The following MTUS2 variants were observed in gnomAD, a reference collection of about 807,000 sequenced individuals.
The protein encoded by MTUS2 is microtubule-associated tumor suppressor candidate 2.
A neutral mutation model predicts 114.1 loss-of-function variants in MTUS2; 40 were observed. That is an observed-to-expected ratio of 0.35 (90% CI 0.27 to 0.46). MTUS2 has a LOEUF of 0.46. Among genes scored for constraint, MTUS2 ranks in the 20% least tolerant of loss-of-function variants. The probability of loss-of-function intolerance (pLI) is 1.00; values close to 1 mark genes in which losing one functional copy is unlikely to be tolerated. For synonymous variants in MTUS2, 688 were observed against 672.0 expected, an observed-to-expected ratio of 1.02 and a Z score of -0.37; for missense variants, 1,679 against 1,705.4, an observed-to-expected ratio of 0.98 and a Z score of 0.27.
intron 8 of MTUS2, among the ~76,000 whole-genome samples, chr13:29,434,134 A>T (rs1462250905): frequency 2.0e-5 from 3 of 152,182 alleles, no homozygotes; most frequent in Non-Finnish European, 4.4e-5. Flanking sequence ...TTTTTTAAAA[A>T]AAATCAGGTG....
At chr13:29,108,686 A>G (rs1292236868) in intron 5 of MTUS2, among the ~76,000 whole-genome samples, 2 of 152,164 alleles carry the variant, frequency 1.3e-5, no homozygotes, top group East Asian at 3.9e-4. Flanking sequence ...CATGGCTATG[A>G]TTGAAGACCA....
intron 8 of MTUS2, among the ~76,000 whole-genome samples, chr13:29,397,473 G>A (rs1873994848): frequency 6.6e-6 from 1 of 152,146 alleles, no homozygotes; most frequent in African/African-American, 2.4e-5. Context: ...CTCCAGACCA[G>A]CAGCATTGGC....
rs1418974462 is a variant in MTUS2 at position 29,299,580 on chromosome 13, A to G, written c.2806+17715A>G. Among the ~76,000 whole-genome samples, 6 of 152,292 alleles carry G rather than the reference A, an allele frequency of 3.9e-5. 1 individual carries two copies. The highest frequency in any genetic ancestry group is 3.9e-4 in the East Asian group (2 of 5,192). The stretch of plus-strand genomic sequence containing the variant: ...GGAAATGAGTGTCCCAGAAGGCCAT[A>G]TGGTGCAGAGACATAACATAGTGCA... On this transcript the variant is annotated intron_variant, in intron 6 of 15. Coordinates refer to ENST00000612955, the MANE Select transcript of MTUS2 (RefSeq NM_001033602.4).
At chr13:29,285,859 A>G (rs943572824) in intron 6 of MTUS2, among the ~76,000 whole-genome samples, 2 of 152,234 alleles carry the variant, frequency 1.3e-5, no homozygotes, top group Admixed American at 6.5e-5. Flanking sequence ...ATTCAAACAA[A>G]AATTCAAAAA....
chr13:28,974,367 A>T (rs1998361), intron 2 of MTUS2, among the ~76,000 whole-genome samples: 27,181 of 152,188 alleles, frequency 0.18, 2,892 homozygotes, highest in East Asian at 0.47. Context: ...GTTTGGGCCA[A>T]ACAAACTGTA....
intron 5 of MTUS2, among the ~76,000 whole-genome samples, chr13:29,171,761 A>G (rs1893571552): frequency 6.6e-6 from 1 of 152,186 alleles, no homozygotes; most frequent in South Asian, 2.1e-4. Context: ...ATATTTCTCT[A>G]CCAACTGTAG....
At chr13:29,313,601 G>A (rs1454264894) in intron 6 of MTUS2, among the ~76,000 whole-genome samples, 1 of 152,042 alleles carries the variant, frequency 6.6e-6, no homozygotes, top group Admixed American at 6.6e-5. Flanking sequence ...CAAATATTAG[G>A]AGTTCCATAA....
chr13:29,278,507 G>C (rs1344797303), intron 5 of MTUS2, among the ~76,000 whole-genome samples: 1 of 152,162 alleles, frequency 6.6e-6, no homozygotes, highest in African/African-American at 2.4e-5. Flanking sequence ...AACTTGAGTA[G>C]CCAATAACTA....
At chr13:29,037,309 T>C (rs9783544) in intron 4 of MTUS2, among the ~76,000 whole-genome samples, 58,748 of 152,064 alleles carry the variant, frequency 0.39, 12,525 homozygotes, top group South Asian at 0.65. Context: ...GGTTGAAAAT[T>C]CTTTTCTTTA....
chr13:29,081,151 G>T (rs533272484), intron 4 of MTUS2, among the ~76,000 whole-genome samples: 1 of 152,256 alleles, frequency 6.6e-6, no homozygotes, highest in South Asian at 2.1e-4. Flanking sequence ...TTTTATTGAG[G>T]TTAGGGTATA....
rs141681481 is a variant in MTUS2, at chr13:29,266,705, G to T, written c.2645-14999G>T. ...ATTCCCAGGAGCAGTTGCAAAAAGT[G>T]TGAAGCTTTTAGAGAGTCTGGGGTT... On this transcript the variant is annotated intron_variant, in intron 5 of 15. Coordinates refer to ENST00000612955, the MANE Select transcript of MTUS2 (RefSeq NM_001033602.4). 1.6e-3 allele frequency among the ~76,000 whole-genome samples: 239 copies of T among 152,308 alleles called. 1 individual carries two copies. The highest frequency in any genetic ancestry group is 5.6e-3 in the African/African-American group (233 of 41,566).
intron 5 of MTUS2, among the ~76,000 whole-genome samples, chr13:29,196,911 G>A (rs958453365): frequency 3.3e-5 from 5 of 152,176 alleles, no homozygotes; most frequent in African/African-American, 1.2e-4. Flanking sequence ...CTATTAACAT[G>A]AGTCTACAAA....
At chr13:29,140,022 G>T (rs1007729150) in intron 5 of MTUS2, among the ~76,000 whole-genome samples, 2 of 152,186 alleles carry the variant, frequency 1.3e-5, no homozygotes, top group Non-Finnish European at 2.9e-5. Context: ...GGTTGTCAGC[G>T]TTGAGAATTT....
chr13:29,080,450 C>CTCACACTG (rs1889390564), intron 4 of MTUS2, among the ~76,000 whole-genome samples: 1 of 152,134 alleles, frequency 6.6e-6, no homozygotes, highest in Non-Finnish European at 1.5e-5. Flanking sequence ...GGAGTATTGA[C>CTCACACTG]TCACACTGTC....
At chr13:28,912,850 G>A (rs1390694548) in intron 2 of MTUS2, among the ~76,000 whole-genome samples, 6 of 151,994 alleles carry the variant, frequency 3.9e-5, no homozygotes, top group East Asian at 1.9e-4. Context: ...GAATGCTAGC[G>A]ATTTTTGCAC....
At chr13:29,337,353 C>G (rs112430899) in intron 7 of MTUS2, among the ~76,000 whole-genome samples, 9,811 of 152,170 alleles carry the variant, frequency 0.064, 1,018 homozygotes, top group African/African-American at 0.22. Context: ...CCAAATGCAC[C>G]ATTCCTCATG....
chr13:28,941,125 T>C (rs1275425893), intron 2 of MTUS2, among the ~76,000 whole-genome samples: 1 of 151,836 alleles, frequency 6.6e-6, no homozygotes, highest in African/African-American at 2.4e-5. Context: ...CTTCAGTCAT[T>C]GTTAGAACAA....
At chr13:29,488,129 C>A in intron 11 of MTUS2, 124 bp downstream of exon 11, 1 of 725,378 alleles carries the variant, frequency 1.4e-6, no homozygotes, top group Admixed American at 2.4e-5. Context: ...CCTCCTGGTG[C>A]ATTTTTTCCT....
At chr13:29,394,293 C>T (rs910673322) in intron 8 of MTUS2, among the ~76,000 whole-genome samples, 6 of 152,198 alleles carry the variant, frequency 3.9e-5, no homozygotes, top group African/African-American at 1.4e-4. Flanking sequence ...AGACATCCAT[C>T]AATACCTGTA....
Sources: allele counts gnomAD v4.1 joint callset (sites outside exome capture counted in the v4.1 genomes callset), GRCh38; gene constraint gnomAD v4.1.1; transcripts MANE v1.5; gene names NCBI Gene and HGNC (gene_info 2026-07-23, HGNC 2026-07-21).